Variants in ZGPAT observed in about 807,000 individuals in gnomAD.
ZGPAT encodes zinc finger CCCH-type and G-patch domain containing.
In ZGPAT, 39 loss-of-function variants were observed where a neutral mutation model predicts 47.9. The ratio of observed to expected loss-of-function variants is 0.81; its 90% confidence interval spans 0.63 to 1.06. The LOEUF is 1.06. Ranked by LOEUF, ZGPAT falls within the 50% of genes least tolerant of loss-of-function variation. The probability of loss-of-function intolerance (pLI) is 0.00; values close to 1 mark genes in which losing one functional copy is unlikely to be tolerated. For missense variants in ZGPAT, 717 were observed against 681.4 expected (o/e 1.05, Z -0.58); for synonymous variants, 348 against 292.9 (o/e 1.19, Z -1.92).
chr20:63,733,642 C>G lies in ZGPAT; in HGVS notation c.774C>G (p.Ala258=). The change falls in exon 4 of 7, where the codon GCC becomes GCG. Residue 258 remains alanine (A), a synonymous_variant. Coordinates refer to ENST00000355969, the MANE Select transcript of ZGPAT (RefSeq NM_181485.3). ...TTGACTCGCTGCTGCTGAGGGAGGC[C>G]GTGGTGGAGGGGGACGGCATCCTGC... The part of the protein sequence containing the change: ...VKFDSLLLRE[A]VVEGDGILPP... 6.2e-7 allele frequency: 1 copy of G among 1,614,006 alleles called. No individual in the cohort carries two copies. Among genetic ancestry groups the G allele is most frequent in the Admixed American group, 1.7e-5 (1 of 60,018 alleles).
At chr20:63,714,020 T>C (rs778445262) in intron 2 of ZGPAT, among the ~76,000 whole-genome samples, 1 of 152,154 alleles carries the variant, frequency 6.6e-6, no homozygotes, top group Non-Finnish European at 1.5e-5. Flanking sequence ...ATACAATTAA[T>C]ATATATGTGA....
intron 6 of ZGPAT, 51 bp from the exon 7 acceptor site, chr20:63,735,730 G>A: frequency 6.4e-7 from 1 of 1,557,690 alleles, no homozygotes. Flanking sequence ...GGCAGACTGG[G>A]GTTGGTGGCA....
At chr20:63,726,593 G>A (rs988387025) in intron 2 of ZGPAT, among the ~76,000 whole-genome samples, 4 of 151,872 alleles carry the variant, frequency 2.6e-5, no homozygotes, top group African/African-American at 9.7e-5. Context: ...TGCAATCTCG[G>A]CTCACTGCAA....
chr20:63,717,127 T>C (rs922278990), intron 2 of ZGPAT, among the ~76,000 whole-genome samples: 2 of 152,154 alleles, frequency 1.3e-5, no homozygotes, highest in African/African-American at 4.8e-5. Context: ...TGTCTTTTCT[T>C]CTTGGTCATT....
intron 2 of ZGPAT, among the ~76,000 whole-genome samples, chr20:63,717,244 G>A (rs2091738225): frequency 6.7e-6 from 1 of 149,960 alleles, no homozygotes; most frequent in East Asian, 1.9e-4. Context: ...CCTTTTTTCT[G>A]CTGGTTTGGG....
intron 2 of ZGPAT, among the ~76,000 whole-genome samples, chr20:63,717,186 T>TAA (rs2145652832): frequency 6.6e-6 from 1 of 152,338 alleles, no homozygotes; most frequent in Admixed American, 6.5e-5. Flanking sequence ...TGCTGATCTC[T>TAA]ATTGTTTTCC....
At chr20:63,734,881 AGCAGCCATCAGGTTCCCGGGGTCCC>A (rs1187873389) in intron 5 of ZGPAT, 57 bp downstream of exon 5, 35 of 1,510,284 alleles carry the variant, frequency 2.3e-5, no homozygotes, top group African/African-American at 2.0e-4. Context: ...GCCCAGGTCC[AGCAGCCATCAGGTTCCCGGGGTCCC>A]GCAGCCATCG....
At chr20:63,732,893 CGT>C (rs1475705102) in intron 2 of ZGPAT, among the ~76,000 whole-genome samples, 4 of 150,750 alleles carry the variant, frequency 2.7e-5, no homozygotes, top group East Asian at 1.9e-4. Context: ...TGTATGTGTA[CGT>C]GTGTATATGC....
intron 2 of ZGPAT, 27 bp downstream of exon 2, chr20:63,709,191 A>G (rs751041308): frequency 3.6e-5 from 57 of 1,602,402 alleles, no homozygotes; most frequent in Non-Finnish European, 4.5e-5. Flanking sequence ...TCAGATGCCA[A>G]CCTTAGGGGC....
intron 2 of ZGPAT, among the ~76,000 whole-genome samples, chr20:63,712,670 C>T (rs1360780492): frequency 3.3e-5 from 5 of 152,064 alleles, no homozygotes; most frequent in Admixed American, 2.0e-4. Flanking sequence ...CTGAGGCGGG[C>T]ATATCACTTG....
intron 2 of ZGPAT, among the ~76,000 whole-genome samples, chr20:63,732,067 T>C (rs1019320859): frequency 6.6e-6 from 1 of 151,970 alleles, no homozygotes; most frequent in African/African-American, 2.4e-5. Flanking sequence ...TATGCATGTG[T>C]GTATATGCAT....
rs1419546899 is a variant in ZGPAT, at chr20:63,723,218, C to CTA, written c.585-10000_585-9999insAT. Among the ~76,000 whole-genome samples the CTA allele has an allele frequency of 2.0e-5, 3 of 148,330 alleles. 1 individual carries two copies. Among genetic ancestry groups the CTA allele is most frequent in the Non-Finnish European group, 3.0e-5 (2 of 66,876 alleles). ...TGACATAGCTCCATCCTCCCTTCTC[C>CTA]TGTGTCATAGCTCCATCCTCCCTTC... On this transcript the variant is annotated intron_variant, in intron 2 of 6. Transcript: ENST00000355969.
intron 2 of ZGPAT, among the ~76,000 whole-genome samples, chr20:63,712,775 A>G (rs1224789544): frequency 6.6e-6 from 1 of 152,116 alleles, no homozygotes; most frequent in Non-Finnish European, 1.5e-5. Flanking sequence ...GCACACCTGT[A>G]ATCCCAGCTA....
At position 63,735,913 on chromosome 20, in the gene ZGPAT, G is replaced by A. The variant is rs772448031; in HGVS notation, c.1530G>A (p.Glu510=). ...CAGACACCCACAAGAAGATGACTGA[G>A]TTCTAGAGACCCCACAAGCACTATG... The part of the protein sequence containing the change: ...RKADTHKKMT[E]F The change falls in exon 7 of 7, where the codon GAG becomes GAA. Residue 510 remains glutamate, a synonymous_variant. Coordinates refer to ENST00000355969, the MANE Select transcript of ZGPAT (RefSeq NM_181485.3). 1 of 1,611,940 alleles carries A rather than the reference G, an allele frequency of 6.2e-7. No individual in the cohort carries two copies. The highest frequency in any genetic ancestry group is 8.5e-7 in the Non-Finnish European group (1 of 1,179,368).
intron 5 of ZGPAT, 40 bp from the exon 6 acceptor site, chr20:63,735,119 G>A (rs2091968269): frequency 2.7e-6 from 4 of 1,481,274 alleles, no homozygotes; most frequent in East Asian, 2.5e-5. Flanking sequence ...GATTCCCGGG[G>A]TCCCGCAGCC....
At chr20:63,733,899 G>T (rs1485024256) in intron 4 of ZGPAT, 160 bp downstream of exon 4, 42 of 894,156 alleles carry the variant, frequency 4.7e-5, no homozygotes, top group Non-Finnish European at 5.9e-5. Context: ...GGTAGGGGTA[G>T]ATCCGTGGCG....
chr20:63,708,801 A>C lies in ZGPAT; in HGVS notation c.221A>C (p.Gln74Pro). 6.2e-7 allele frequency: 1 copy of C among 1,605,592 alleles called. No homozygotes were observed. Among genetic ancestry groups the C allele is most frequent in the East Asian group, 2.2e-5 (1 of 44,640 alleles). ...AALDEERPGR[Q>P]EDAEYQAFRE... ...CTGGACGAAGAGCGCCCGGGCCGCC[A>C]GGAAGATGCTGAGTACCAGGCTTTC... is the stretch of plus-strand genomic sequence containing the variant. Residue 74 changes from glutamine to proline, a missense_variant, in exon 2 of 7, where the codon CAG becomes CCG. Coordinates refer to ENST00000355969, the MANE Select transcript of ZGPAT (RefSeq NM_181485.3).
chr20:63,713,871 C>CAA (rs749234322), intron 2 of ZGPAT, among the ~76,000 whole-genome samples: 4 of 81,148 alleles, frequency 4.9e-5, no homozygotes, highest in African/African-American at 1.4e-4. Context: ...GACTTCATCT[C>CAA]AAAAAAAAAA....
rs2091943215 is a variant in ZGPAT at position 63,733,369 on chromosome 20, G to A, written c.718+17G>A. ...GCATCACCGGTGAGGCTGGCCGTGG[G>A]GGCCTCCCGGGAACACCCTCCCAGG... On this transcript the variant is annotated intron_variant, in intron 3 of 6. Coordinates refer to ENST00000355969, the MANE Select transcript of ZGPAT (RefSeq NM_181485.3). The A allele has an allele frequency of 1.2e-6, 2 of 1,606,748 alleles. No homozygotes were observed. The highest frequency in any genetic ancestry group is 1.7e-5 in the Admixed American group (1 of 59,806).
Sources: allele counts gnomAD v4.1 joint callset (sites outside exome capture counted in the v4.1 genomes callset), GRCh38; gene constraint gnomAD v4.1.1; transcripts MANE v1.5; gene names NCBI Gene and HGNC (gene_info 2026-07-23, HGNC 2026-07-21).